The following CATSPERB variants were observed in gnomAD, a reference collection of about 807,000 sequenced individuals.
The protein encoded by CATSPERB is catsper channel auxiliary subunit beta.
In CATSPERB, 93 loss-of-function variants were observed where a neutral mutation model predicts 128.3. The ratio of observed to expected loss-of-function variants is 0.72; its 90% CI spans 0.61 to 0.86. The LOEUF is 0.86. CATSPERB is among the 40% of genes least tolerant of loss of function. The probability of loss-of-function intolerance (pLI) is 0.00; values close to 1 mark genes in which losing one functional copy is unlikely to be tolerated. For synonymous variants in CATSPERB, 381 were observed against 448.8 expected (o/e 0.85, Z 1.91); for missense variants, 1,153 against 1,329.5 (o/e 0.87, Z 2.06).
intron 10 of CATSPERB, among the ~76,000 whole-genome samples, chr14:91,687,860 CAGG>C (rs908360713): frequency 1.7e-4 from 26 of 149,416 alleles, no homozygotes; most frequent in East Asian, 1.4e-3. Context: ...GAGACTGAGG[CAGG>C]AGAATTGCTT....
chr14:91,665,143 T>G (rs762828410), intron 14 of CATSPERB, among the ~76,000 whole-genome samples: 3 of 152,180 alleles, frequency 2.0e-5, no homozygotes, highest in Non-Finnish European at 2.9e-5. Flanking sequence ...TCCACTCACC[T>G]TGACATCCCA....
At chr14:91,714,290 A>G (rs1895897574) in intron 5 of CATSPERB, among the ~76,000 whole-genome samples, 1 of 89,310 alleles carries the variant, frequency 1.1e-5, no homozygotes, top group South Asian at 5.8e-4. Flanking sequence ...AAAAAAAAAA[A>G]AAGAAAAAAA....
At chr14:91,590,063 G>A (rs1042992586) in intron 23 of CATSPERB, among the ~76,000 whole-genome samples, 8 of 152,178 alleles carry the variant, frequency 5.3e-5, no homozygotes, top group African/African-American at 1.7e-4. Flanking sequence ...CTCAAAGCCA[G>A]CCCCAATGCA....
rs202175347 is a variant in CATSPERB at position 91,598,718 on chromosome 14, C to T, written c.2710-6716G>A. On this transcript the variant is annotated intron_variant, in intron 22 of 26. Transcript: ENST00000256343. ...CTAAAAATACAAAAAATTAGCCAGG[C>T]GTGGTGGCAGGCGCTTGTAGTCCCA... 8.0e-4 allele frequency among the ~76,000 whole-genome samples: 122 copies of T among 151,948 alleles called. No individual in the cohort carries two copies. In the East Asian group the frequency reaches 0.02, roughly 25 times the overall value.
intron 4 of CATSPERB, 41 bp from the exon 5 acceptor site, chr14:91,719,519 T>C (rs762107021): frequency 5.5e-6 from 8 of 1,458,500 alleles, no homozygotes; most frequent in Non-Finnish European, 7.7e-6. Context: ...TTTTACAACA[T>C]GAATAACAAC....
chr14:91,656,424 T>A (rs976226491), intron 15 of CATSPERB, among the ~76,000 whole-genome samples: 4 of 152,116 alleles, frequency 2.6e-5, no homozygotes, highest in African/African-American at 9.7e-5. Context: ...TAAGATATTA[T>A]GGTAACCTAG....
intron 14 of CATSPERB, among the ~76,000 whole-genome samples, chr14:91,669,532 A>G (rs1031118725): frequency 2.6e-5 from 4 of 152,248 alleles, no homozygotes; most frequent in Non-Finnish European, 5.9e-5. Flanking sequence ...GGCAAAATCT[A>G]AGTAATTCAG....
chr14:91,659,714 A>C (rs984462378), intron 15 of CATSPERB, 123 bp downstream of exon 15: 1 of 907,072 alleles, frequency 1.1e-6, no homozygotes, highest in Non-Finnish European at 1.6e-6. Flanking sequence ...TAGATCCTAC[A>C]AATCCATCAC....
intron 14 of CATSPERB, among the ~76,000 whole-genome samples, chr14:91,665,809 G>T (rs559306643): frequency 1.3e-5 from 2 of 152,064 alleles, no homozygotes; most frequent in African/African-American, 2.4e-5. Flanking sequence ...GGTGGTGGTC[G>T]CAGTGAGCCT....
intron 7 of CATSPERB, 61 bp from the exon 8 acceptor site, chr14:91,693,540 G>A (rs1895507572): frequency 4.1e-6 from 5 of 1,229,636 alleles, no homozygotes; most frequent in Non-Finnish European, 6.0e-6. Flanking sequence ...TCACCTTCAG[G>A]GGCAAGAGCC....
At chr14:91,702,858 C>G (rs1447051921) in intron 7 of CATSPERB, among the ~76,000 whole-genome samples, 1 of 151,718 alleles carries the variant, frequency 6.6e-6, no homozygotes, top group Non-Finnish European at 1.5e-5. Context: ...TTATTTTGGT[C>G]TTTTTTTATG....
At chr14:91,701,770 G>T (rs1034261778) in intron 7 of CATSPERB, among the ~76,000 whole-genome samples, 1 of 152,084 alleles carries the variant, frequency 6.6e-6, no homozygotes, top group African/African-American at 2.4e-5. Flanking sequence ...TGCTAGTTGG[G>T]TGTGGTGGCG....
intron 17 of CATSPERB, chr14:91,635,524 T>A (rs891627749): frequency 6.6e-6 from 1 of 151,730 alleles, no homozygotes; most frequent in African/African-American, 2.4e-5. Flanking sequence ...ACCTGGCTAA[T>A]TTTTTTTATT....
Position 91,636,575 on chromosome 14 carries a change from G to C in CATSPERB, c.1592C>G (p.Pro531Arg). 6.2e-7 allele frequency: 1 copy of C among 1,608,690 alleles called. No homozygotes were observed. Among genetic ancestry groups the C allele is most frequent in the Non-Finnish European group, 8.5e-7 (1 of 1,177,902 alleles). The change falls in exon 17 of 27, where the codon CCA becomes CGA. Residue 531 changes from proline to arginine, a missense_variant. Transcript: ENST00000256343. ...GNSRNLFGQP[P>R]DMGFETALAP... ...AAGCGCAGTCTCAAAGCCCATATCT[G>C]GAGGCTGGAAACAGAGAAAAGAAAA...
At chr14:91,661,886 A>G (rs1181783799) in intron 14 of CATSPERB, among the ~76,000 whole-genome samples, 1 of 152,138 alleles carries the variant, frequency 6.6e-6, no homozygotes. Context: ...ACCAGATTAC[A>G]GTCCCACCAG....
chr14:91,696,557 T>C (rs1489755401), intron 7 of CATSPERB, among the ~76,000 whole-genome samples: 1 of 152,120 alleles, frequency 6.6e-6, no homozygotes, highest in Non-Finnish European at 1.5e-5. Flanking sequence ...AAAAACAGCA[T>C]CATCTGCATT....
rs185546927 is a variant in CATSPERB at position 91,596,457 on chromosome 14, C to T, written c.2710-4455G>A. 7.9e-5 allele frequency among the ~76,000 whole-genome samples: 12 copies of T among 152,270 alleles called. No individual in the cohort carries two copies. The East Asian group carries it at 1.9e-3, about 24-fold the overall frequency. ...TGACCTTGTGATCCGCCCACCTTGG[C>T]CTCCCAAAGTGCTGGGATTACAGGC... On this transcript the variant is annotated intron_variant, in intron 22 of 26. Coordinates refer to ENST00000256343, the MANE Select transcript of CATSPERB (RefSeq NM_024764.4).
At chr14:91,676,725 T>C (rs1278669231) in intron 11 of CATSPERB, among the ~76,000 whole-genome samples, 1 of 152,198 alleles carries the variant, frequency 6.6e-6, no homozygotes, top group Non-Finnish European at 1.5e-5. Context: ...CTGTAAGGAA[T>C]GTCAATGGTA....
chr14:91,633,044 T>C (rs1217428679), intron 17 of CATSPERB, among the ~76,000 whole-genome samples: 1 of 152,204 alleles, frequency 6.6e-6, no homozygotes, highest in Admixed American at 6.5e-5. Context: ...TTAACTACCC[T>C]AGCCCAAGCC....
Sources: allele counts gnomAD v4.1 joint callset (sites outside exome capture counted in the v4.1 genomes callset), GRCh38; gene constraint gnomAD v4.1.1; transcripts MANE v1.5; gene names NCBI Gene and HGNC (gene_info 2026-07-23, HGNC 2026-07-21).